The following KIT variants were observed in gnomAD, a reference collection of about 807,000 sequenced individuals.
KIT encodes mast/stem cell growth factor receptor Kit.
A neutral mutation model predicts 105.7 loss-of-function variants in KIT; 16 were observed. The ratio of observed to expected loss-of-function variants is 0.15; its 90% CI spans 0.10 to 0.23. The LOEUF (loss-of-function observed/expected upper bound fraction) is 0.23. Among genes scored for constraint, KIT ranks in the 10% least tolerant of loss-of-function variants. KIT has a pLI of 1.00. For missense variants in KIT, 858 were observed against 1,213.8 expected, an observed-to-expected ratio of 0.71 and a Z score of 4.36; for synonymous variants, 438 against 441.1, an observed-to-expected ratio of 0.99 and a Z score of 0.09.
rs568372123 is a variant in KIT, at chr4:54,715,730, G to T, written c.1231+6191G>T. Among the ~76,000 whole-genome samples the T allele has an allele frequency of 1.2e-4, 18 of 152,294 alleles. No individual in the cohort carries two copies. In the East Asian group the frequency reaches 3.1e-3, roughly 26 times the overall value. ...ATTCAGGATCAGTTTTTAAACATGA[G>T]ATTTGAAGGGGACAAATATTCAAAC... is the stretch of plus-strand genomic sequence containing the variant. On this transcript the variant is annotated intron_variant, in intron 7 of 20. Transcript: ENST00000288135.
At chr4:54,706,990 A>C in intron 5 of KIT, 108 bp from the exon 6 acceptor site, 2 of 674,514 alleles carry the variant, frequency 3.0e-6, no homozygotes, top group Admixed American at 5.4e-5. Flanking sequence ...ATTGCCAATT[A>C]ATACTGGAAA....
chr4:54,707,347 C>G, intron 6 of KIT, 60 bp downstream of exon 6: 5 of 1,205,310 alleles, frequency 4.1e-6, no homozygotes, highest in East Asian at 4.7e-5. Flanking sequence ...GTGGGCTTAT[C>G]AGATCTTATT....
At chr4:54,679,798 A>G (rs548376563) in intron 1 of KIT, among the ~76,000 whole-genome samples, 1 of 152,380 alleles carries the variant, frequency 6.6e-6, no homozygotes, top group African/African-American at 2.4e-5. Context: ...AAACAAAAAT[A>G]TAGCATATAC....
chr4:54,700,858 G>A (rs1337224676), intron 4 of KIT, among the ~76,000 whole-genome samples: 1 of 152,178 alleles, frequency 6.6e-6, no homozygotes, highest in Non-Finnish European at 1.5e-5. Flanking sequence ...AGAATGGATT[G>A]TACCATAGAC....
intron 1 of KIT, among the ~76,000 whole-genome samples, chr4:54,686,087 T>C (rs1257350709): frequency 4.6e-5 from 7 of 152,238 alleles, no homozygotes; most frequent in African/African-American, 1.7e-4. Flanking sequence ...CTTGCTTTGT[T>C]ACTGATCCAG....
At chr4:54,658,540 C>A (rs1035528308) in intron 1 of KIT, among the ~76,000 whole-genome samples, 1 of 152,102 alleles carries the variant, frequency 6.6e-6, no homozygotes, top group African/African-American at 2.4e-5. Context: ...GCAGGTTCTC[C>A]GCCGCGCTGA....
intron 10 of KIT, 42 bp downstream of exon 10, chr4:54,727,366 T>C (rs764618223): frequency 4.3e-6 from 7 of 1,613,780 alleles, no homozygotes; most frequent in Non-Finnish European, 5.9e-6. Context: ...CTCTAATGAC[T>C]GAGACAATAA....
chr4:54,711,088 C>T (rs1721132766), intron 7 of KIT, among the ~76,000 whole-genome samples: 1 of 152,138 alleles, frequency 6.6e-6, no homozygotes, highest in Non-Finnish European at 1.5e-5. Context: ...GCTTTGTTGC[C>T]TAGACTGGTC....
At chr4:54,679,508 G>A (rs183651372) in intron 1 of KIT, among the ~76,000 whole-genome samples, 208 of 152,216 alleles carry the variant, frequency 1.4e-3, no homozygotes, top group Non-Finnish European at 2.2e-3. Flanking sequence ...GGAAATAGAA[G>A]GAAAAATGTC....
intron 6 of KIT, among the ~76,000 whole-genome samples, chr4:54,707,998 T>C (rs1720899617): frequency 1.3e-5 from 2 of 152,086 alleles, no homozygotes; most frequent in African/African-American, 4.8e-5. Flanking sequence ...GTCAGGACTG[T>C]TGACTGTTGG....
chr4:54,695,678 G>A lies in KIT; in HGVS notation c.234G>A (p.Lys78=), dbSNP rs1577952928. The A allele has an allele frequency of 1.2e-6, 2 of 1,614,232 alleles. No individual in the cohort carries two copies. The highest frequency in any genetic ancestry group is 2.2e-5 in the East Asian group (1 of 44,886). ...FEILDETNEN[K]QNEWITEKAE... ...TCCTGGATGAAACGAATGAGAATAAGCAGAATGAATGGATCACGGAAAAGG... is the reference window on the plus strand; with the variant it reads ...TCCTGGATGAAACGAATGAGAATAAACAGAATGAATGGATCACGGAAAAGG... The change falls in exon 2 of 21, where the codon AAG becomes AAA. Residue 78 remains lysine (K), a synonymous_variant. Coordinates refer to ENST00000288135, the MANE Select transcript of KIT (RefSeq NM_000222.3).
chr4:54,676,174 A>T (rs986259792), intron 1 of KIT, among the ~76,000 whole-genome samples: 2 of 152,128 alleles, frequency 1.3e-5, no homozygotes, highest in African/African-American at 4.8e-5. Context: ...TGGGTTCCCG[A>T]GTGTGGTCTG....
chr4:54,666,675 A>C (rs533852546), intron 1 of KIT, among the ~76,000 whole-genome samples: 1 of 152,184 alleles, frequency 6.6e-6, no homozygotes, highest in East Asian at 1.9e-4. Context: ...AAACCAAGTA[A>C]TTGTCATTTT....
chr4:54,736,912 C>T (rs1041131590), intron 19 of KIT, 92 bp downstream of exon 19: 8 of 934,176 alleles, frequency 8.6e-6, no homozygotes, highest in African/African-American at 4.9e-5. Context: ...GTTTTCATAA[C>T]ACAGTTTGAA....
chr4:54,692,026 CATTT>C (rs1217731314), intron 1 of KIT, among the ~76,000 whole-genome samples: 4 of 152,130 alleles, frequency 2.6e-5, no homozygotes, highest in Non-Finnish European at 5.9e-5. Flanking sequence ...GTGTGCCTAA[CATTT>C]ATTATGTGTT....
chr4:54,737,419 G>C (rs922681104), intron 20 of KIT, 139 bp downstream of exon 20: 9 of 713,574 alleles, frequency 1.3e-5, no homozygotes, highest in Non-Finnish European at 1.8e-5. Context: ...CTTCAGGTAG[G>C]GGAAGTAAAG....
intron 1 of KIT, among the ~76,000 whole-genome samples, chr4:54,680,518 A>G (rs55703521): frequency 0.029 from 4,424 of 151,234 alleles, 208 homozygotes; most frequent in African/African-American, 0.1. Flanking sequence ...CAGCCTGCCG[A>G]GTAGCTGGGA....
intron 1 of KIT, among the ~76,000 whole-genome samples, chr4:54,691,478 C>T (rs55643815): frequency 0.028 from 4,312 of 152,072 alleles, 202 homozygotes; most frequent in African/African-American, 0.099. Flanking sequence ...AGATGTGTCC[C>T]AGGGACACAG....
At position 54,718,045 on chromosome 4, in the gene KIT, G is replaced by A. The variant is rs371301909; in HGVS notation, c.1232-5539G>A. Among the ~76,000 whole-genome samples, 10 of 152,256 alleles carry A rather than the reference G, an allele frequency of 6.6e-5. 1 individual carries two copies. The highest frequency in any genetic ancestry group is 2.4e-4 in the African/African-American group (10 of 41,550). On this transcript the variant is annotated intron_variant, in intron 7 of 20. Coordinates refer to ENST00000288135, the MANE Select transcript of KIT (RefSeq NM_000222.3). Reference sequence around the variant, plus strand: ...CTTTTTGATTGCTGTTTAGAACAGGGGTTGGTAGAACTATAGCCTGCTGGC... The same window carrying A: ...CTTTTTGATTGCTGTTTAGAACAGGAGTTGGTAGAACTATAGCCTGCTGGC...
Sources: allele counts gnomAD v4.1 joint callset (sites outside exome capture counted in the v4.1 genomes callset), GRCh38; gene constraint gnomAD v4.1.1; transcripts MANE v1.5; gene names NCBI Gene and HGNC (gene_info 2026-07-23, HGNC 2026-07-21).